Variants in LHCGR observed in about 807,000 individuals in gnomAD.
LHCGR encodes the protein lutropin-choriogonadotropic hormone receptor.
LHCGR carries 55 observed loss-of-function variants against 60.7 expected under a neutral mutation model. That is an observed-to-expected ratio of 0.91 (90% CI 0.73 to 1.13). The LOEUF is 1.13. LHCGR is among the 50% of genes most tolerant of loss of function. The probability of loss-of-function intolerance (pLI) is 0.00; values close to 1 mark genes in which losing one functional copy is unlikely to be tolerated. For synonymous variants in LHCGR, 337 were observed against 316.5 expected, an observed-to-expected ratio of 1.06 and a Z score of -0.69; for missense variants, 862 against 836.0, an observed-to-expected ratio of 1.03 and a Z score of -0.38.
At chr2:48,703,656 A>ATG (rs1405651288) in intron 8 of LHCGR, among the ~76,000 whole-genome samples, 1 of 152,140 alleles carries the variant, frequency 6.6e-6, no homozygotes, top group African/African-American at 2.4e-5. Context: ...GTAATTGTGA[A>ATG]TGGGAGTTCA....
chr2:48,734,632 G>T (rs1181991540), intron 1 of LHCGR, among the ~76,000 whole-genome samples: 1 of 151,758 alleles, frequency 6.6e-6, no homozygotes, highest in Non-Finnish European at 1.5e-5. Flanking sequence ...AGGCATACTT[G>T]TATTCCAATA....
chr2:48,711,654 T>C (rs6744967), intron 7 of LHCGR, among the ~76,000 whole-genome samples: 70,299 of 152,058 alleles, frequency 0.46, 16,832 homozygotes, highest in East Asian at 0.59. Flanking sequence ...CATACTGTGT[T>C]GGTTTTTCTC....
chr2:48,743,901 A>G (rs1351696411), intron 1 of LHCGR, among the ~76,000 whole-genome samples: 4 of 151,602 alleles, frequency 2.6e-5, no homozygotes, highest in Non-Finnish European at 5.9e-5. Flanking sequence ...AGGAAGTCAA[A>G]TTGTCCCTGT....
intron 1 of LHCGR, among the ~76,000 whole-genome samples, chr2:48,733,509 T>A (rs112955962): frequency 2.6e-5 from 4 of 152,204 alleles, no homozygotes; most frequent in African/African-American, 9.6e-5. Context: ...AGCGTTGATG[T>A]TGATGCTGCA....
In LHCGR at chr2:48,688,185, C is replaced by T. The variant is rs1680002012; in HGVS notation, c.1612G>A (p.Ala538Thr). The T allele has an allele frequency of 1.2e-6, 2 of 1,614,056 alleles. No homozygotes were observed. Among genetic ancestry groups the T allele is most frequent in the African/African-American group, 1.3e-5 (1 of 75,004 alleles). Residue 538 changes from alanine (A) to threonine (T), a missense_variant, in exon 11 of 11, where the codon GCC (alanine) becomes ACC (threonine). Transcript: ENST00000294954. This position sits in a 1 kb window ranked among gnomAD's most constrained non-coding sequence, Gnocchi z 5.2. The stretch of plus-strand genomic sequence containing the variant: ...TAGCAAGCACAAATTATGAAGAAGG[C>T]CACCACATTGAGAATCAGGATGGTT... The part of the protein sequence containing the change: ...ILTILILNVV[A>T]FFIICACYIK...
intron 1 of LHCGR, chr2:48,732,904 A>T (rs764183563): frequency 1.9e-6 from 1 of 534,546 alleles, no homozygotes; most frequent in Non-Finnish European, 3.8e-6. Flanking sequence ...CATTCCCAAG[A>T]AGGACATCGT....
In LHCGR at chr2:48,688,257, A is replaced by C; in HGVS notation, c.1540T>G (p.Cys514Gly). 1 of 1,614,212 alleles carries C rather than the reference A, an allele frequency of 6.2e-7. No homozygotes were observed. The highest frequency in any genetic ancestry group is 8.5e-7 in the Non-Finnish European group (1 of 1,180,026). ...GTGGTTTCCACATCCATGGGGAAGC[A>C]AATACTGACCTTCATGTAATTGCTG... ...GVSNYMKVSICFPMDVETTLS... is the reference protein window; with the variant it reads ...GVSNYMKVSIGFPMDVETTLS... Residue 514 changes from cysteine (C) to glycine (G), a missense_variant, in exon 11 of 11, where the codon TGC (cysteine) becomes GGC (glycine). Cys to Gly is a radical substitution (Grantham distance 159). Coordinates refer to ENST00000294954, the MANE Select transcript of LHCGR (RefSeq NM_000233.4). The surrounding 1 kb of genome is among the most constrained non-coding windows in gnomAD (Gnocchi z 5.2).
At chr2:48,731,160 G>A in intron 2 of LHCGR, 67 bp downstream of exon 2, 3 of 1,106,730 alleles carry the variant, frequency 2.7e-6, no homozygotes, top group South Asian at 1.3e-5. Flanking sequence ...TTTCAAATGT[G>A]TTTTCTCTTA....
intron 1 of LHCGR, 23 bp from the exon 2 acceptor site, chr2:48,731,321 C>T: frequency 6.4e-6 from 10 of 1,569,964 alleles, no homozygotes; most frequent in Admixed American, 1.7e-5. Flanking sequence ...AAAGGAAATC[C>T]AAGAGTTTAA....
intron 1 of LHCGR, among the ~76,000 whole-genome samples, chr2:48,737,095 C>T (rs979453763): frequency 6.6e-6 from 1 of 152,220 alleles, no homozygotes; most frequent in South Asian, 2.1e-4. Context: ...TCTCCAAAGA[C>T]TGTATAGGCT....
intron 1 of LHCGR, among the ~76,000 whole-genome samples, chr2:48,735,940 T>C (rs1183255903): frequency 6.6e-6 from 1 of 152,152 alleles, no homozygotes; most frequent in Non-Finnish European, 1.5e-5. Context: ...GCTGCTCTTA[T>C]GAGAGTGAGT....
intron 7 of LHCGR, among the ~76,000 whole-genome samples, chr2:48,711,874 C>T (rs1668007525): frequency 6.6e-6 from 1 of 152,164 alleles, no homozygotes; most frequent in Non-Finnish European, 1.5e-5. Flanking sequence ...GATGAACCTT[C>T]TTTAAGCACT....
At chr2:48,746,467 C>G (rs1669710203) in intron 1 of LHCGR, among the ~76,000 whole-genome samples, 1 of 152,304 alleles carries the variant, frequency 6.6e-6, no homozygotes, top group South Asian at 2.1e-4. Context: ...TAGAGAGCCA[C>G]TCTGCAGATT....
In LHCGR at chr2:48,698,716, A is replaced by G; in HGVS notation, c.765T>C (p.Ser255=). The change falls in exon 9 of 11, where the codon TCT becomes TCC. Residue 255 remains serine, a synonymous_variant. Coordinates refer to ENST00000294954, the MANE Select transcript of LHCGR (RefSeq NM_000233.4). The part of the protein sequence containing the change: ...IQRLIATSSY[S]LKKLPSRETF... The stretch of plus-strand genomic sequence containing the variant: ...TTTCTCTTGATGGCAATTTTTTTAG[A>G]GAATAGGATGACGTGGCAATTAGCC... The G allele has an allele frequency of 1.2e-6, 2 of 1,614,112 alleles. No individual in the cohort carries two copies. Among genetic ancestry groups the G allele is most frequent in the Non-Finnish European group, 1.7e-6 (2 of 1,179,998 alleles).
intron 1 of LHCGR, among the ~76,000 whole-genome samples, chr2:48,747,267 T>G (rs1468134960): frequency 6.6e-6 from 1 of 152,034 alleles, no homozygotes; most frequent in East Asian, 1.9e-4. Context: ...TTTTTGGTAT[T>G]TTTTAGTAGA....
At chr2:48,750,672 C>T (rs1056364681) in intron 1 of LHCGR, among the ~76,000 whole-genome samples, 8 of 152,214 alleles carry the variant, frequency 5.3e-5, no homozygotes, top group Non-Finnish European at 8.8e-5. Flanking sequence ...TCAGCTATCT[C>T]AGTTTAATCA....
At chr2:48,753,817 T>G (rs540336645) in intron 1 of LHCGR, among the ~76,000 whole-genome samples, 2 of 152,020 alleles carry the variant, frequency 1.3e-5, no homozygotes, top group East Asian at 3.9e-4. Context: ...TGTGTGTGTG[T>G]GTGTGTGTGT....
chr2:48,717,122 C>G (rs10495958), intron 6 of LHCGR, among the ~76,000 whole-genome samples: 56,384 of 152,048 alleles, frequency 0.37, 11,801 homozygotes, highest in Non-Finnish European at 0.48. Context: ...TCTCTACCTT[C>G]TAAGTGATGA....
intron 8 of LHCGR, among the ~76,000 whole-genome samples, chr2:48,705,718 CTT>C (rs548802313): frequency 2.1e-5 from 3 of 144,298 alleles, no homozygotes; most frequent in Non-Finnish European, 1.5e-5. Flanking sequence ...GCAATCCCTG[CTT>C]TTTTTTTTTG....
Sources: allele counts gnomAD v4.1 joint callset (sites outside exome capture counted in the v4.1 genomes callset), GRCh38; gene constraint gnomAD v4.1.1; non-coding constraint Gnocchi (gnomAD v3.1); transcripts MANE v1.5; gene names NCBI Gene and HGNC (gene_info 2026-07-23, HGNC 2026-07-21).